Variants in RIMBP2 observed in about 807,000 individuals in gnomAD.
RIMBP2 encodes RIMS-binding protein 2.
A neutral mutation model predicts 118.6 loss-of-function variants in RIMBP2; 48 were observed. The observed-to-expected ratio is 0.40, with a 90% CI of 0.32 to 0.51. The LOEUF (loss-of-function observed/expected upper bound fraction) is 0.51. Among genes scored for constraint, RIMBP2 ranks in the 20% least tolerant of loss-of-function variants. RIMBP2 has a pLI of 0.41. For missense variants in RIMBP2, 1,551 were observed against 1,768.3 expected (o/e 0.88, Z 2.20); for synonymous variants, 762 against 742.9 (o/e 1.03, Z -0.42).
chr12:130,443,478 C>A (rs993469594), intron 10 of RIMBP2, among the ~76,000 whole-genome samples: 5 of 152,152 alleles, frequency 3.3e-5, no homozygotes, highest in African/African-American at 1.2e-4. Flanking sequence ...CAATTCATCA[C>A]AAGGTACCCA....
intron 2 of RIMBP2, among the ~76,000 whole-genome samples, chr12:130,615,406 G>A (rs2060868940): frequency 6.6e-6 from 1 of 151,306 alleles, no homozygotes; most frequent in East Asian, 1.9e-4. Flanking sequence ...TACCTCCCGG[G>A]TTCAAGCAAT....
At position 130,431,553 on chromosome 12, in the gene RIMBP2, TTA is replaced by T. The variant is rs2077154013; in HGVS notation, c.2253+3179_2253+3180del. On this transcript the variant is annotated intron_variant, in intron 14 of 22. Coordinates refer to ENST00000690449, the MANE Select transcript of RIMBP2 (RefSeq NM_001393629.1). The surrounding 1 kb of genome is among the most constrained non-coding windows in gnomAD (Gnocchi z 4.0). ...GAAAATAAGTATCACTTATTTTATG[TTA>T]TATTATTATATTATTAACAATATAT... 6 of 206,076 alleles carry T rather than the reference TTA, an allele frequency of 2.9e-5. No individual in the cohort carries two copies. Among genetic ancestry groups the T allele is most frequent in the African/African-American group, 1.4e-4 (6 of 42,752 alleles). The allele number at this position is 206,076 out of a possible 1,614,324, so 12.8% of individuals were successfully genotyped here. A position where few individuals can be genotyped will look rare whatever the true frequency, so the allele number is the denominator to read the frequency against.
At chr12:130,709,929 C>T (rs1038924083) in intron 1 of RIMBP2, among the ~76,000 whole-genome samples, 11 of 152,038 alleles carry the variant, frequency 7.2e-5, no homozygotes, top group African/African-American at 2.2e-4. Context: ...GGAAGGAGCG[C>T]GGTAAGAGGC....
At chr12:130,518,266 A>G (rs546912858) in intron 2 of RIMBP2, among the ~76,000 whole-genome samples, 1 of 152,212 alleles carries the variant, frequency 6.6e-6, no homozygotes, top group South Asian at 2.1e-4. Flanking sequence ...TGCTCCAAAC[A>G]TACAGCCACA....
At chr12:130,630,512 T>C (rs1594102625) in intron 1 of RIMBP2, among the ~76,000 whole-genome samples, 1 of 152,120 alleles carries the variant, frequency 6.6e-6, no homozygotes, top group African/African-American at 2.4e-5. Context: ...GTTTTTAAAC[T>C]GCCCAGAATC....
At position 130,431,466 on chromosome 12, in the gene RIMBP2, T is replaced by C; in HGVS notation, c.2254-3129A>G. ...ACGCCATCTGTATGATTAATGAATGTATTCTTTGAATTGAATCAATATTTA... is the reference window on the plus strand; with the variant it reads ...ACGCCATCTGTATGATTAATGAATGCATTCTTTGAATTGAATCAATATTTA... On this transcript the variant is annotated intron_variant, in intron 14 of 22. Coordinates refer to ENST00000690449, the MANE Select transcript of RIMBP2 (RefSeq NM_001393629.1). The surrounding 1 kb of genome is among the most constrained non-coding windows in gnomAD (Gnocchi z 4.0). The C allele has an allele frequency of 2.5e-6, 1 of 398,950 alleles. No homozygotes were observed. The highest frequency in any genetic ancestry group is 1.9e-5 in the South Asian group (1 of 52,730). The allele number at this position is 398,950 out of a possible 1,614,324, so 24.7% of individuals were successfully genotyped here.
intron 1 of RIMBP2, among the ~76,000 whole-genome samples, chr12:130,687,652 T>C (rs774185747): frequency 6.6e-6 from 1 of 152,190 alleles, no homozygotes; most frequent in Non-Finnish European, 1.5e-5. Context: ...TGGAAAATCA[T>C]TTAGGCAATA....
chr12:130,559,894 C>A (rs1486181848), intron 2 of RIMBP2, among the ~76,000 whole-genome samples: 1 of 152,214 alleles, frequency 6.6e-6, no homozygotes, highest in African/African-American at 2.4e-5. Context: ...ATAAAATGAA[C>A]AACGGTAACA....
At chr12:130,507,223 C>T (rs868390974) in intron 3 of RIMBP2, among the ~76,000 whole-genome samples, 1 of 152,176 alleles carries the variant, frequency 6.6e-6, no homozygotes, top group Non-Finnish European at 1.5e-5. Flanking sequence ...CCTTTGCCAT[C>T]ACGAGGGAAG....
At chr12:130,575,754 C>G (rs559150193) in intron 2 of RIMBP2, among the ~76,000 whole-genome samples, 1 of 152,360 alleles carries the variant, frequency 6.6e-6, no homozygotes, top group African/African-American at 2.4e-5. Flanking sequence ...TCAGCAGAGG[C>G]TGCTCAGATG....
intron 2 of RIMBP2, among the ~76,000 whole-genome samples, chr12:130,565,482 C>T (rs79209843): frequency 5.3e-5 from 8 of 152,300 alleles, no homozygotes; most frequent in South Asian, 4.2e-4. Context: ...CTAGCACCTA[C>T]GGTAGTGCCT....
chr12:130,498,555 G>A (rs570147038), intron 4 of RIMBP2, among the ~76,000 whole-genome samples: 46 of 151,372 alleles, frequency 3.0e-4, no homozygotes, highest in Middle Eastern at 3.4e-3. Flanking sequence ...TTTAGACCAG[G>A]TGGCCACGAA....
intron 2 of RIMBP2, among the ~76,000 whole-genome samples, chr12:130,619,712 A>G (rs945847017): frequency 3.9e-5 from 6 of 152,194 alleles, no homozygotes; most frequent in Admixed American, 6.5e-5. Context: ...AGTAAGCTCT[A>G]GCTGTGCTCA....
Position 130,431,179 on chromosome 12 carries a change from GACAA to G in RIMBP2, c.2254-2846_2254-2843del, listed in dbSNP as rs2077125863. The stretch of plus-strand genomic sequence containing the variant: ...CCTCCCTTCTTTCATTCATTCATTC[GACAA>G]ACATTCATTGAGCACCTACTATGTG... On this transcript the variant is annotated intron_variant, in intron 14 of 22. Coordinates refer to ENST00000690449, the MANE Select transcript of RIMBP2 (RefSeq NM_001393629.1). This position sits in a 1 kb window ranked among gnomAD's most constrained non-coding sequence, Gnocchi z 4.0. Among the ~76,000 whole-genome samples, 1 of 152,054 alleles carries G rather than the reference GACAA, an allele frequency of 6.6e-6. No individual in the cohort carries two copies. Among genetic ancestry groups the G allele is most frequent in the African/African-American group, 2.4e-5 (1 of 41,386 alleles).
At chr12:130,602,456 T>C (rs1414165981) in intron 2 of RIMBP2, among the ~76,000 whole-genome samples, 1 of 152,220 alleles carries the variant, frequency 6.6e-6, no homozygotes, top group African/African-American at 2.4e-5. Context: ...GGGGGAGGTT[T>C]CTTGCATTTG....
chr12:130,399,271 A>C, intron 22 of RIMBP2: 1 of 556,924 alleles, frequency 1.8e-6, no homozygotes, highest in Non-Finnish European at 2.6e-6. Flanking sequence ...ACATGAATGT[A>C]GTCTAATAGT....
At chr12:130,399,060 C>G in intron 22 of RIMBP2, 1 of 958,316 alleles carries the variant, frequency 1.0e-6, no homozygotes, top group Non-Finnish European at 1.5e-6. Flanking sequence ...CACACTGGCC[C>G]GGTTAAGGTA....
At chr12:130,406,389 G>A (rs2075177074) in intron 20 of RIMBP2, 146 bp from the exon 21 acceptor site, 1 of 599,908 alleles carries the variant, frequency 1.7e-6, no homozygotes, top group East Asian at 2.9e-5. Context: ...AGAAGCTAAT[G>A]AATGGCTCTG....
chr12:130,478,856 CG>C lies in RIMBP2; in HGVS notation c.102+55del, dbSNP rs1180929615. ...GCCGCTCCACCACACCAGGGATCCC[CG>C]GCCCACCCGTGGACTCCCTGCCTCG... On this transcript the variant is annotated intron_variant, in intron 5 of 22. Coordinates refer to ENST00000690449, the MANE Select transcript of RIMBP2 (RefSeq NM_001393629.1). The C allele has an allele frequency of 6.0e-6, 8 of 1,339,536 alleles. No homozygotes were observed. The East Asian group carries it at 1.9e-4, about 31-fold the overall frequency. 83.0% of individuals were successfully genotyped at this position (1,339,536 alleles called of 1,614,324 possible). A position where few individuals can be genotyped will look rare whatever the true frequency, so the allele number is the denominator to read the frequency against.
Sources: gnomAD v4.1 joint callset for allele counts (sites outside exome capture counted in the v4.1 genomes callset) on GRCh38, gnomAD v4.1.1 for gene constraint, Gnocchi (gnomAD v3.1) non-coding constraint, MANE v1.5 for transcripts, NCBI Gene and HGNC (gene_info 2026-07-23, HGNC 2026-07-21) for gene names.